The following ABLIM1 variants were observed in gnomAD, a reference collection of about 807,000 sequenced individuals.
ABLIM1 encodes the protein actin binding LIM protein 1, also known as actin-binding LIM protein 1.
ABLIM1 carries 40 observed loss-of-function variants against 107.0 expected under a neutral mutation model. The ratio of observed to expected loss-of-function variants is 0.37; its 90% CI spans 0.29 to 0.49. The LOEUF is 0.49. Ranked by LOEUF, ABLIM1 falls within the 20% of genes least tolerant of loss-of-function variation. ABLIM1 has a pLI of 0.97. For missense variants in ABLIM1, 857 were observed against 1,008.5 expected (o/e 0.85, Z 2.04); for synonymous variants, 357 against 357.3 (o/e 1.00, Z 0.01).
chr10:114,511,991 G>T (rs1055705096), intron 6 of ABLIM1, among the ~76,000 whole-genome samples: 1 of 152,150 alleles, frequency 6.6e-6, no homozygotes, highest in Non-Finnish European at 1.5e-5. Flanking sequence ...TGTCTTCCTG[G>T]AGCAGAAAGA....
chr10:114,728,282 CCA>C (rs1482787766), intron 1 of ABLIM1, among the ~76,000 whole-genome samples: 2 of 151,830 alleles, frequency 1.3e-5, no homozygotes, highest in African/African-American at 4.8e-5. Context: ...TAATATAAAC[CCA>C]CACAGGCACT....
chr10:114,661,723 CT>C (rs1169749466), upstream of ABLIM1, among the ~76,000 whole-genome samples: 2 of 152,182 alleles, frequency 1.3e-5, no homozygotes, highest in Non-Finnish European at 2.9e-5. Flanking sequence ...TTTTGCTGGC[CT>C]GTGTATCTTA....
chr10:114,538,203 T>C (rs535401976), intron 6 of ABLIM1, among the ~76,000 whole-genome samples: 3 of 152,332 alleles, frequency 2.0e-5, no homozygotes, highest in Admixed American at 2.0e-4. Context: ...AAAGCAGTTT[T>C]TTAATCAGTC....
intron 6 of ABLIM1, among the ~76,000 whole-genome samples, chr10:114,495,373 ATGATGATGG>A (rs1188384868): frequency 6.6e-6 from 1 of 152,020 alleles, no homozygotes; most frequent in African/African-American, 2.4e-5. Flanking sequence ...TAAAGTAGAG[ATGATGATGG>A]TGATGATGGT....
chr10:114,477,282 T>C (rs773990616), intron 8 of ABLIM1, among the ~76,000 whole-genome samples: 6 of 152,298 alleles, frequency 3.9e-5, no homozygotes, highest in Non-Finnish European at 7.4e-5. Context: ...ACTGAAAATA[T>C]TTTTGTTGCG....
chr10:114,670,446 T>C (rs978473451), intron 1 of ABLIM1, among the ~76,000 whole-genome samples: 4 of 152,194 alleles, frequency 2.6e-5, no homozygotes, highest in Admixed American at 2.0e-4. Context: ...GAAATGGAAA[T>C]ACAATCCCTC....
intron 1 of ABLIM1, among the ~76,000 whole-genome samples, chr10:114,702,820 C>T (rs1162899200): frequency 6.6e-6 from 1 of 152,072 alleles, no homozygotes. Flanking sequence ...AATGACATAA[C>T]ACATCATAGC....
At chr10:114,443,672 TAAAAAAAAAAAA>T (rs11418258) in intron 17 of ABLIM1, among the ~76,000 whole-genome samples, 1 of 107,382 alleles carries the variant, frequency 9.3e-6, no homozygotes, top group African/African-American at 3.5e-5. Context: ...TCATGTTATC[TAAAAAAAAAAAA>T]AAAAAAAAAG....
At chr10:114,451,225 A>C (rs12218443) in intron 14 of ABLIM1, among the ~76,000 whole-genome samples, 28,147 of 152,130 alleles carry the variant, frequency 0.19, 2,898 homozygotes, top group African/African-American at 0.28. Context: ...GGCTCAGTCA[A>C]ATTAGTTTTT....
intron 1 of ABLIM1, among the ~76,000 whole-genome samples, chr10:114,693,826 CTTT>C (rs5788078): frequency 1.5e-5 from 2 of 134,040 alleles, no homozygotes; most frequent in Non-Finnish European, 1.6e-5. Flanking sequence ...TTTAAAAAAA[CTTT>C]TTTTTTTTTT....
intron 1 of ABLIM1, among the ~76,000 whole-genome samples, chr10:114,640,287 G>T (rs1484613841): frequency 2.0e-5 from 3 of 152,236 alleles, no homozygotes; most frequent in Admixed American, 1.3e-4. Flanking sequence ...AGCACTTTGG[G>T]AGGCCGAGGT....
chr10:114,748,580 CAAA>C (rs34184273), intron 1 of ABLIM1, among the ~76,000 whole-genome samples: 5 of 131,450 alleles, frequency 3.8e-5, no homozygotes, highest in Admixed American at 7.5e-5. Context: ...TTGCCTGTTT[CAAA>C]AAAAAAAAAA....
the ABLIM1 span, among the ~76,000 whole-genome samples, chr10:114,799,852 T>C: frequency 6.6e-6 from 1 of 152,182 alleles, no homozygotes; most frequent in African/African-American, 2.4e-5. Flanking sequence ...CTTGGCTCAC[T>C]GCAACCTCTG....
chr10:114,588,081 G>A (rs991565776), intron 2 of ABLIM1, among the ~76,000 whole-genome samples: 1 of 152,114 alleles, frequency 6.6e-6, no homozygotes, highest in Admixed American at 6.5e-5. Context: ...TTGAGTGCCT[G>A]AGCACTCAGA....
At chr10:114,525,795 C>T (rs968606773) in intron 6 of ABLIM1, among the ~76,000 whole-genome samples, 6 of 152,180 alleles carry the variant, frequency 3.9e-5, no homozygotes, top group Non-Finnish European at 7.3e-5. Context: ...GCTGCTATAG[C>T]GACCACACTC....
intron 7 of ABLIM1, among the ~76,000 whole-genome samples, chr10:114,490,531 G>C (rs967850850): frequency 6.6e-6 from 1 of 152,222 alleles, no homozygotes; most frequent in African/African-American, 2.4e-5. Flanking sequence ...AGGTAGTTGA[G>C]ACCCAGTAAT....
intron 1 of ABLIM1, among the ~76,000 whole-genome samples, chr10:114,721,216 G>T (rs1005814955): frequency 6.6e-6 from 1 of 152,146 alleles, no homozygotes; most frequent in Non-Finnish European, 1.5e-5. Flanking sequence ...GATCCCTTTG[G>T]GGGCAGCTTC....
chr10:114,517,655 GA>G (rs2063086972), intron 6 of ABLIM1, among the ~76,000 whole-genome samples: 1 of 152,084 alleles, frequency 6.6e-6, no homozygotes, highest in South Asian at 2.1e-4. Context: ...ACTTTTTTGC[GA>G]TAAACTGTGT....
Position 114,495,433 on chromosome 10 carries a change from G to A in ABLIM1, c.895-3555C>T, listed in dbSNP as rs561389222. 5.3e-5 allele frequency among the ~76,000 whole-genome samples: 8 copies of A among 152,010 alleles called. No individual in the cohort carries two copies. In the South Asian group the frequency reaches 1.7e-3, roughly 32 times the overall value. On this transcript the variant is annotated intron_variant, in intron 6 of 22. Coordinates refer to ENST00000533213, the MANE Select transcript of ABLIM1 (RefSeq NM_002313.7). ...GATGATAATGATGATGGTGAGTGGT[G>A]CTGGGGTGGTAATGATGATGATGAT...
Sources: gnomAD v4.1 joint callset for allele counts (sites outside exome capture counted in the v4.1 genomes callset) on GRCh38, gnomAD v4.1.1 for gene constraint, MANE v1.5 for transcripts, NCBI Gene and HGNC (gene_info 2026-07-23, HGNC 2026-07-21) for gene names.